The following SBNO2 variants were observed in gnomAD, a reference collection of about 807,000 sequenced individuals.
The protein encoded by SBNO2 is protein strawberry notch homolog 2.
Under a neutral mutation model 146.3 loss-of-function variants are expected in SBNO2, and 89 were observed. The observed-to-expected ratio is 0.61, with a 90% CI of 0.51 to 0.73. SBNO2 has a LOEUF of 0.73. Among genes scored for constraint, SBNO2 ranks in the 30% least tolerant of loss-of-function variants. SBNO2 has a pLI of 0.00. For synonymous variants in SBNO2, 1,147 were observed against 892.6 expected (o/e 1.29, Z -5.08); for missense variants, 2,092 against 2,003.7 (o/e 1.04, Z -0.84).
At chr19:1,152,539 C>T (rs2080252434) in intron 2 of SBNO2, among the ~76,000 whole-genome samples, 1 of 152,054 alleles carries the variant, frequency 6.6e-6, no homozygotes, top group Non-Finnish European at 1.5e-5. Flanking sequence ...ACTCGAGCTC[C>T]ACCGGGGCAG....
rs916699113 is a variant in SBNO2, at chr19:1,173,263, C to T, written c.-127+909G>A. Among the ~76,000 whole-genome samples, 3 of 152,138 alleles carry T rather than the reference C, an allele frequency of 2.0e-5. No individual in the cohort carries two copies. The highest frequency in any genetic ancestry group is 6.5e-5 in the Admixed American group (1 of 15,286). On this transcript the variant is annotated intron_variant, in intron 1 of 31. Coordinates refer to ENST00000361757, the MANE Select transcript of SBNO2 (RefSeq NM_014963.3). This position sits in a 1 kb window ranked among gnomAD's most constrained non-coding sequence, Gnocchi z 4.7. ...CCTGCGCTTCCCCTTCACCGACACA[C>T]GCTGCTCCCGGGCCCCACTCGGGCC...
At chr19:1,168,303 G>C (rs954558843) in intron 1 of SBNO2, among the ~76,000 whole-genome samples, 9 of 152,010 alleles carry the variant, frequency 5.9e-5, no homozygotes, top group Non-Finnish European at 8.8e-5. Context: ...TCCAGGATCT[G>C]ATAAAAGCCC....
chr19:1,166,645 ACACACG>A (rs2080428876), intron 1 of SBNO2, among the ~76,000 whole-genome samples: 1 of 124,602 alleles, frequency 8.0e-6, no homozygotes, highest in African/African-American at 2.9e-5. Flanking sequence ...ACACACACAC[ACACACG>A]CTAAAAGCCA....
At chr19:1,163,705 C>T (rs2080372694) in intron 1 of SBNO2, among the ~76,000 whole-genome samples, 1 of 152,222 alleles carries the variant, frequency 6.6e-6, no homozygotes, top group South Asian at 2.1e-4. Flanking sequence ...CAGGCGGCGC[C>T]GGGGAAGCCT....
Position 1,111,508 on chromosome 19 carries a change from C to T in SBNO2, c.2807G>A (p.Arg936Gln), listed in dbSNP as rs765358327. 7 of 1,569,842 alleles carry T rather than the reference C, an allele frequency of 4.5e-6. No individual in the cohort carries two copies. Among genetic ancestry groups the T allele is most frequent in the Middle Eastern group, 1.7e-4 (1 of 6,034 alleles). Residue 936 changes from arginine (R) to glutamine (Q), a missense_variant and splice_region_variant, in exon 24 of 32, where the codon CGG (arginine) becomes CAG (glutamine). Coordinates refer to ENST00000361757, the MANE Select transcript of SBNO2 (RefSeq NM_014963.3). ...AGACCCCCACCAGCCCAGCTTACCCCGGAAGAAGGTGGGGACCCCTCCAGG... is the reference window on the plus strand; with the variant it reads ...AGACCCCCACCAGCCCAGCTTACCCTGGAAGAAGGTGGGGACCCCTCCAGG... Reference protein sequence around the residue: ...GYPGGVPTFFRDMKQGLLSVG... With the variant: ...GYPGGVPTFFQDMKQGLLSVG...
intron 2 of SBNO2, among the ~76,000 whole-genome samples, chr19:1,151,069 G>C (rs1297015500): frequency 6.6e-6 from 1 of 152,248 alleles, no homozygotes. Context: ...CAGAGCCCGG[G>C]TCTCCTGATC....
chr19:1,120,121 C>A, intron 11 of SBNO2, 98 bp from the exon 12 acceptor site: 3 of 915,034 alleles, frequency 3.3e-6, no homozygotes, highest in African/African-American at 1.7e-5. Flanking sequence ...TGGTGGGGGG[C>A]AAACGCCTGT....
At chr19:1,124,780 C>T (rs2079946082) in intron 5 of SBNO2, among the ~76,000 whole-genome samples, 1 of 152,208 alleles carries the variant, frequency 6.6e-6, no homozygotes, top group Admixed American at 6.5e-5. Flanking sequence ...GGGGAGCTGA[C>T]CCCAGGCCTT....
At position 1,173,825 on chromosome 19, in the gene SBNO2, G is replaced by A. The variant is rs188011428; in HGVS notation, c.-127+347C>T. 1,877 of 152,272 alleles carry A rather than the reference G, an allele frequency of 0.012. 48 individuals are homozygous for A. The highest frequency in any genetic ancestry group is 0.063 in the Admixed American group (956 of 15,270). The allele number at this position is 152,272 out of a possible 1,614,324, so 9.4% of individuals were successfully genotyped here. A position where few individuals can be genotyped will look rare whatever the true frequency, so the allele number is the denominator to read the frequency against. ...GAAAGGTCGGGGGTCACCAAGCTGC[G>A]CGGTACAGGGAGTCACCCGGAAGAG... is the stretch of plus-strand genomic sequence containing the variant. On this transcript the variant is annotated intron_variant, in intron 1 of 31. Coordinates refer to ENST00000361757, the MANE Select transcript of SBNO2 (RefSeq NM_014963.3). This position sits in a 1 kb window ranked among gnomAD's most constrained non-coding sequence, Gnocchi z 4.7.
intron 11 of SBNO2, 65 bp from the exon 12 acceptor site, chr19:1,120,088 G>A (rs878953606): frequency 8.0e-7 from 1 of 1,244,018 alleles, no homozygotes; most frequent in African/African-American, 1.5e-5. Flanking sequence ...CCCAGGTCCT[G>A]ACCACCCAAG....
chr19:1,166,329 G>A (rs1232036847), intron 1 of SBNO2, among the ~76,000 whole-genome samples: 2 of 152,070 alleles, frequency 1.3e-5, no homozygotes, highest in Non-Finnish European at 2.9e-5. Flanking sequence ...CCTCCAGGCC[G>A]GGCTGCGGGG....
At chr19:1,115,991 G>C (rs770728693) in intron 17 of SBNO2, 30 bp downstream of exon 17, 2 of 1,560,214 alleles carry the variant, frequency 1.3e-6, no homozygotes, top group Admixed American at 1.8e-5. Context: ...AGGGGCAGGG[G>C]TGGGTGGGGC....
At position 1,112,132 on chromosome 19, in the gene SBNO2, T is replaced by G; in HGVS notation, c.2628+57A>C. ...TCTGGCCTCTAGCACCCCACAAAGC[T>G]TTGGAGAGCCTTCCTGGGCCTGTCC... On this transcript the variant is annotated intron_variant, in intron 22 of 31. Transcript: ENST00000361757. The surrounding 1 kb of genome is among the most constrained non-coding windows in gnomAD (Gnocchi z 5.9). The G allele has an allele frequency of 2.5e-6, 4 of 1,602,648 alleles. No homozygotes were observed. The highest frequency in any genetic ancestry group is 3.4e-6 in the Non-Finnish European group (4 of 1,174,618).
rs1439562074 is a variant in SBNO2 at position 1,173,214 on chromosome 19, C to CG, written c.-127+957dup. ...CTGGGGTGGTGGGAAGAGTGCCCTA[C>CG]GGGGGACAGGACCCACCAGGAGGCC... On this transcript the variant is annotated intron_variant, in intron 1 of 31. Coordinates refer to ENST00000361757, the MANE Select transcript of SBNO2 (RefSeq NM_014963.3). This position sits in a 1 kb window ranked among gnomAD's most constrained non-coding sequence, Gnocchi z 4.7. Among the ~76,000 whole-genome samples the CG allele has an allele frequency of 1.3e-5, 2 of 152,026 alleles. No individual in the cohort carries two copies. The highest frequency in any genetic ancestry group is 6.5e-5 in the Admixed American group (1 of 15,274).
rs948155019 is a variant in SBNO2, at chr19:1,126,748, G to A, written c.441+856C>T. On this transcript the variant is annotated intron_variant, in intron 5 of 31. Transcript: ENST00000361757. This position sits in a 1 kb window ranked among gnomAD's most constrained non-coding sequence, Gnocchi z 4.4. Reference sequence around the variant, plus strand: ...CTGGCATGGGCCCTCACCGGAAGGCGCTCAGTCCCAGAGACATGTCCAACG... The same window carrying A: ...CTGGCATGGGCCCTCACCGGAAGGCACTCAGTCCCAGAGACATGTCCAACG... Among the ~76,000 whole-genome samples the A allele has an allele frequency of 6.6e-6, 1 of 152,210 alleles. No homozygotes were observed. Among genetic ancestry groups the A allele is most frequent in the Non-Finnish European group, 1.5e-5 (1 of 68,030 alleles).
intron 2 of SBNO2, among the ~76,000 whole-genome samples, chr19:1,152,246 G>A (rs538055354): frequency 1.3e-4 from 20 of 152,254 alleles, no homozygotes; most frequent in African/African-American, 4.8e-4. Flanking sequence ...TCCTGCTCCC[G>A]CTCGGATCCT....
In SBNO2 at chr19:1,116,840, G is replaced by C; in HGVS notation, c.1791C>G (p.Val597=). The C allele has an allele frequency of 2.5e-6, 4 of 1,590,004 alleles. No homozygotes were observed. The highest frequency in any genetic ancestry group is 3.4e-6 in the Non-Finnish European group (4 of 1,169,740). ...ACCGTGACACTTACTCAGCGGCCGA[G>C]ACGAAGCAGTTGAGGTGCCCATCGT... The part of the protein sequence containing the change: ...GENDGHLNCF[V]SAAEGVFLSL... Residue 597 remains valine, a synonymous_variant, in exon 16 of 32, where the codon GTC becomes GTG. Transcript: ENST00000361757.
At position 1,108,721 on chromosome 19, in the gene SBNO2, G is replaced by C; in HGVS notation, c.3617-17C>G. ...TCTTGATGCCTGCGGGCAGAGCGTC[G>C]GGGTCAGGGCCGGCGCTGGGGGCTC... On this transcript the variant is annotated splice_polypyrimidine_tract_variant and intron_variant, in intron 31 of 31. Coordinates refer to ENST00000361757, the MANE Select transcript of SBNO2 (RefSeq NM_014963.3). 6.4e-7 allele frequency: 1 copy of C among 1,568,218 alleles called. No homozygotes were observed. The highest frequency in any genetic ancestry group is 8.6e-7 in the Non-Finnish European group (1 of 1,165,108).
chr19:1,153,430 G>T (rs556109409), intron 2 of SBNO2, among the ~76,000 whole-genome samples: 1 of 151,136 alleles, frequency 6.6e-6, no homozygotes, highest in African/African-American at 2.4e-5. Context: ...GTAGAGACAG[G>T]GTTTCACCAT....
Sources: allele counts gnomAD v4.1 joint callset (sites outside exome capture counted in the v4.1 genomes callset), GRCh38; gene constraint gnomAD v4.1.1; non-coding constraint Gnocchi (gnomAD v3.1); transcripts MANE v1.5; gene names NCBI Gene and HGNC (gene_info 2026-07-23, HGNC 2026-07-21).